The following MLLT1 variants were observed in gnomAD, a reference collection of about 807,000 sequenced individuals.
MLLT1 encodes protein ENL.
In MLLT1, 11 loss-of-function variants were observed where a neutral mutation model predicts 55.1. That is an observed-to-expected ratio of 0.20 (90% CI 0.13 to 0.33). The LOEUF (loss-of-function observed/expected upper bound fraction) is 0.33. Among genes scored for constraint, MLLT1 ranks in the 10% least tolerant of loss-of-function variants. The probability of loss-of-function intolerance (pLI) is 1.00; values close to 1 mark genes in which losing one functional copy is unlikely to be tolerated. For missense variants in MLLT1, 536 were observed against 760.6 expected (o/e 0.70, Z 3.47); for synonymous variants, 323 against 320.1 (o/e 1.01, Z -0.10).
In MLLT1 at chr19:6,225,729, C is replaced by CA. The variant is rs1287386164; in HGVS notation, c.546+1247dup. Among the ~76,000 whole-genome samples, 4 of 152,306 alleles carry CA rather than the reference C, an allele frequency of 2.6e-5. No individual in the cohort carries two copies. The East Asian group carries it at 7.7e-4, about 29-fold the overall frequency. ...TCCAGGGGTCTCAGAGACACTCCGGCAAAAGATACCACCAGCAGCCCCAGC... is the reference window on the plus strand; with the variant it reads ...TCCAGGGGTCTCAGAGACACTCCGGCAAAAAGATACCACCAGCAGCCCCAGC... On this transcript the variant is annotated intron_variant, in intron 5 of 11. Coordinates refer to ENST00000252674, the MANE Select transcript of MLLT1 (RefSeq NM_005934.4).
intron 3 of MLLT1, among the ~76,000 whole-genome samples, chr19:6,239,189 A>G (rs1705184655): frequency 6.6e-6 from 1 of 152,234 alleles, no homozygotes; most frequent in Admixed American, 6.5e-5. Context: ...TCCACGGCAT[A>G]CTGGAATGGG....
In MLLT1 at chr19:6,261,332, C is replaced by T. The variant is rs185007973; in HGVS notation, c.276+896G>A. The stretch of plus-strand genomic sequence containing the variant: ...CTGAAACGTCACCCGGCTCCTAGGA[C>T]GGCCGCACGCCAAATGCCTCTCCTC... On this transcript the variant is annotated intron_variant, in intron 3 of 11. Transcript: ENST00000252674. Among the ~76,000 whole-genome samples the T allele has an allele frequency of 5.3e-5, 8 of 152,368 alleles. No homozygotes were observed. In the East Asian group the frequency reaches 9.6e-4, roughly 18 times the overall value.
At chr19:6,269,008 G>C (rs1274116920) in intron 2 of MLLT1, among the ~76,000 whole-genome samples, 1 of 152,200 alleles carries the variant, frequency 6.6e-6, no homozygotes, top group East Asian at 1.9e-4. Context: ...CTGTGCTCCA[G>C]GGACAGAGAA....
At chr19:6,213,487 C>T in intron 10 of MLLT1, 79 bp from the exon 11 acceptor site, 1 of 1,240,548 alleles carries the variant, frequency 8.1e-7, no homozygotes. Flanking sequence ...CCACCCATGA[C>T]CCAGTCCATC....
chr19:6,250,983 G>T (rs1368679205), intron 3 of MLLT1, among the ~76,000 whole-genome samples: 1 of 152,148 alleles, frequency 6.6e-6, no homozygotes, highest in Non-Finnish European at 1.5e-5. Flanking sequence ...AAGGAAAGAA[G>T]CGAGACACAA....
At chr19:6,269,577 C>T (rs1248599097) in intron 2 of MLLT1, among the ~76,000 whole-genome samples, 1 of 152,208 alleles carries the variant, frequency 6.6e-6, no homozygotes, top group African/African-American at 2.4e-5. Context: ...CTGTCAACGC[C>T]CATCACTTCC....
chr19:6,258,782 G>A (rs900898383), intron 3 of MLLT1, among the ~76,000 whole-genome samples: 1 of 152,188 alleles, frequency 6.6e-6, no homozygotes, highest in African/African-American at 2.4e-5. Context: ...ACTCGCCGGC[G>A]AAGCCAAACA....
In MLLT1 at chr19:6,222,659, G is replaced by T; in HGVS notation, c.572C>A (p.Thr191Asn). The change falls in exon 6 of 12, where the codon ACC becomes AAC. Residue 191 changes from threonine to asparagine, a missense_variant. By Grantham distance (65) the Thr-to-Asn change is moderately conservative. This residue lies in a region of MLLT1 where 449 missense variants were observed against 489.0 expected (regional missense o/e 0.92). Transcript: ENST00000252674. This position sits in a 1 kb window ranked among gnomAD's most constrained non-coding sequence, Gnocchi z 4.1. ...CTTGGTCACCTTGTGTGGCTTGGAGGTCTTGCTGCTCTCCTTGTTGGCGTC... is the reference window on the plus strand; with the variant it reads ...CTTGGTCACCTTGTGTGGCTTGGAGTTCTTGCTGCTCTCCTTGTTGGCGTC... ...SKDANKESSK[T>N]SKPHKVTKEH... The T allele has an allele frequency of 6.4e-7, 1 of 1,554,528 alleles. No homozygotes were observed. The highest frequency in any genetic ancestry group is 8.7e-7 in the Non-Finnish European group (1 of 1,153,328).
intron 3 of MLLT1, among the ~76,000 whole-genome samples, chr19:6,244,197 G>A (rs1361770717): frequency 3.3e-5 from 5 of 152,002 alleles, no homozygotes; most frequent in African/African-American, 9.7e-5. Context: ...CCGTGTGTCT[G>A]CCGTCTCTTG....
intron 1 of MLLT1, among the ~76,000 whole-genome samples, chr19:6,276,211 G>C (rs2091427264): frequency 6.6e-6 from 1 of 152,154 alleles, no homozygotes; most frequent in Non-Finnish European, 1.5e-5. Flanking sequence ...GCTTTCCAGG[G>C]AGTAGCTTCA....
intron 3 of MLLT1, among the ~76,000 whole-genome samples, chr19:6,257,464 A>G (rs34406905): frequency 0.35 from 52,483 of 151,648 alleles, 10,919 homozygotes; most frequent in African/African-American, 0.59. Flanking sequence ...AATATTTAAA[A>G]AACTTCTATA....
At position 6,270,447 on chromosome 19, in the gene MLLT1, C is replaced by T. The variant is rs1046302595; in HGVS notation, c.193+132G>A. Reference sequence around the variant, plus strand: ...TGACACGGCTCCAGTGCCCCCACGCCGAGGGACGCAAGCTGGAACCTCATG... The same window carrying T: ...TGACACGGCTCCAGTGCCCCCACGCTGAGGGACGCAAGCTGGAACCTCATG... On this transcript the variant is annotated intron_variant, in intron 2 of 11. Transcript: ENST00000252674. This position sits in a 1 kb window ranked among gnomAD's most constrained non-coding sequence, Gnocchi z 7.1. The T allele has an allele frequency of 1.9e-5, 18 of 952,648 alleles. No homozygotes were observed. Among genetic ancestry groups the T allele is most frequent in the Middle Eastern group, 6.7e-4 (2 of 2,970 alleles). The allele number at this position is 952,648 out of a possible 1,614,324, so 59.0% of individuals were successfully genotyped here. A position where few individuals can be genotyped will look rare whatever the true frequency, so the allele number is the denominator to read the frequency against.
Position 6,273,768 on chromosome 19 carries a change from T to C in MLLT1, c.13-3009A>G, listed in dbSNP as rs2091412338. The stretch of plus-strand genomic sequence containing the variant: ...CGACCCCTGCTTCTGTGGAGCTGAC[T>C]CCCACACAATGACAGTGTCTCCTCG... On this transcript the variant is annotated intron_variant, in intron 1 of 11. Coordinates refer to ENST00000252674, the MANE Select transcript of MLLT1 (RefSeq NM_005934.4). The surrounding 1 kb of genome is among the most constrained non-coding windows in gnomAD (Gnocchi z 4.3). 6.6e-6 allele frequency among the ~76,000 whole-genome samples: 1 copy of C among 152,172 alleles called. No homozygotes were observed. The highest frequency in any genetic ancestry group is 1.5e-5 in the Non-Finnish European group (1 of 68,028).
At position 6,268,824 on chromosome 19, in the gene MLLT1, C is replaced by T. The variant is rs564132840; in HGVS notation, c.193+1755G>A. The stretch of plus-strand genomic sequence containing the variant: ...GAGCTCAAGACAAGCCTGGGCAACA[C>T]GACAAACAAAAAACAAAACAAAACA... On this transcript the variant is annotated intron_variant, in intron 2 of 11. Transcript: ENST00000252674. 5.3e-5 allele frequency among the ~76,000 whole-genome samples: 8 copies of T among 152,216 alleles called. No homozygotes were observed. The Middle Eastern group carries it at 0.014, about 259-fold the overall frequency.
At position 6,240,652 on chromosome 19, in the gene MLLT1, A is replaced by G. The variant is rs982995049; in HGVS notation, c.277-9939T>C. Reference sequence around the variant, plus strand: ...CGGAACCCTACAGCTCTCAGATTCAAAAGCGCTGTGGGGGTGATGTCAGAC... The same window carrying G: ...CGGAACCCTACAGCTCTCAGATTCAGAAGCGCTGTGGGGGTGATGTCAGAC... On this transcript the variant is annotated intron_variant, in intron 3 of 11. Transcript: ENST00000252674. The surrounding 1 kb of genome is among the most constrained non-coding windows in gnomAD (Gnocchi z 4.7). Among the ~76,000 whole-genome samples the G allele has an allele frequency of 6.6e-6, 1 of 152,188 alleles. No homozygotes were observed. Among genetic ancestry groups the G allele is most frequent in the African/African-American group, 2.4e-5 (1 of 41,452 alleles).
In MLLT1 at chr19:6,219,317, T is replaced by C. The variant is rs1322688552; in HGVS notation, c.1111-1276A>G. Among the ~76,000 whole-genome samples, 2 of 152,116 alleles carry C rather than the reference T, an allele frequency of 1.3e-5. No homozygotes were observed. Among genetic ancestry groups the C allele is most frequent in the African/African-American group, 4.8e-5 (2 of 41,408 alleles). On this transcript the variant is annotated intron_variant, in intron 6 of 11. Coordinates refer to ENST00000252674, the MANE Select transcript of MLLT1 (RefSeq NM_005934.4). The surrounding 1 kb of genome is among the most constrained non-coding windows in gnomAD (Gnocchi z 4.5). ...ACACATGGCGCTCCCTGATGAATCA[T>C]CACTGGGAAAGCCTGCCGTGGTGCC... is the stretch of plus-strand genomic sequence containing the variant.
rs144005035 is a variant in MLLT1 at position 6,240,953 on chromosome 19, C to T, written c.277-10240G>A. 6.6e-6 allele frequency among the ~76,000 whole-genome samples: 1 copy of T among 152,180 alleles called. No individual in the cohort carries two copies. Among genetic ancestry groups the T allele is most frequent in the African/African-American group, 2.4e-5 (1 of 41,430 alleles). On this transcript the variant is annotated intron_variant, in intron 3 of 11. Transcript: ENST00000252674. The surrounding 1 kb of genome is among the most constrained non-coding windows in gnomAD (Gnocchi z 4.7). ...TGGCTTCTATTAACTGGAAGCCAAA[C>T]TTAATGATTTCTCCTCAGTCTGACA...
chr19:6,230,424 C>T lies in MLLT1; in HGVS notation c.420+146G>A. 1.1e-6 allele frequency: 1 copy of T among 943,630 alleles called. No individual in the cohort carries two copies. Among genetic ancestry groups the T allele is most frequent in the Non-Finnish European group, 1.5e-6 (1 of 647,576 alleles). 58.5% of individuals were successfully genotyped at this position (943,630 alleles called of 1,614,324 possible). On this transcript the variant is annotated intron_variant, in intron 4 of 11. Transcript: ENST00000252674. The surrounding 1 kb of genome is among the most constrained non-coding windows in gnomAD (Gnocchi z 9.0). ...GCACAGGTTGTGGAGCTCCCAGGTC[C>T]CCTCCAGCTCTGCTGGGTGCTGCCG...
chr19:6,227,241 T>G lies in MLLT1; in HGVS notation c.421-139A>C. On this transcript the variant is annotated intron_variant, in intron 4 of 11. Coordinates refer to ENST00000252674, the MANE Select transcript of MLLT1 (RefSeq NM_005934.4). This position sits in a 1 kb window ranked among gnomAD's most constrained non-coding sequence, Gnocchi z 5.1. ...AGCGCTTTCCCGAAAGAATCCCAGG[T>G]GCTTCCCTGCTGGGGACTGGGTGCT... The G allele has an allele frequency of 1.2e-6, 1 of 856,936 alleles. No individual in the cohort carries two copies. The highest frequency in any genetic ancestry group is 1.7e-6 in the Non-Finnish European group (1 of 582,074). 53.1% of individuals were successfully genotyped at this position (856,936 alleles called of 1,614,324 possible).
Sources: allele counts gnomAD v4.1 joint callset (sites outside exome capture counted in the v4.1 genomes callset), GRCh38; gene constraint gnomAD v4.1.1; regional missense constraint gnomAD v4.1.1; non-coding constraint Gnocchi (gnomAD v3.1); transcripts MANE v1.5; gene names NCBI Gene and HGNC (gene_info 2026-07-23, HGNC 2026-07-21).